Variants in NRG1 observed in about 807,000 individuals in gnomAD.
The protein encoded by NRG1 is neuregulin 1, also known as pro-neuregulin-1, membrane-bound isoform.
A neutral mutation model predicts 63.8 loss-of-function variants in NRG1; 18 were observed. The ratio of observed to expected loss-of-function variants is 0.28; its 90% CI spans 0.19 to 0.42. The LOEUF is 0.42. Ranked by LOEUF, NRG1 falls within the 10% of genes least tolerant of loss-of-function variation. The probability of loss-of-function intolerance (pLI) is 1.00; values close to 1 mark genes in which losing one functional copy is unlikely to be tolerated. For synonymous variants in NRG1, 302 were observed against 301.3 expected, an observed-to-expected ratio of 1.00 and a Z score of -0.02; for missense variants, 762 against 814.7, an observed-to-expected ratio of 0.94 and a Z score of 0.79.
At chr8:32,220,690 T>A (rs1845718851) in intron 1 of NRG1, among the ~76,000 whole-genome samples, 1 of 152,180 alleles carries the variant, frequency 6.6e-6, no homozygotes, top group African/African-American at 2.4e-5. Flanking sequence ...TCACTGTGGC[T>A]CAGAGGCAGG....
At chr8:32,463,142 G>T (rs529636546) in intron 1 of NRG1, among the ~76,000 whole-genome samples, 1 of 151,920 alleles carries the variant, frequency 6.6e-6, no homozygotes, top group South Asian at 2.1e-4. Flanking sequence ...CTCCTTTTTA[G>T]GTTGGATAAT....
chr8:32,261,679 C>CT (rs1850394103), intron 1 of NRG1, among the ~76,000 whole-genome samples: 4 of 152,026 alleles, frequency 2.6e-5, no homozygotes, highest in Non-Finnish European at 5.9e-5. Context: ...ACCTCCACTC[C>CT]CCCCTTGTAT....
At chr8:32,076,024 A>C (rs1826482816) in intron 1 of NRG1, among the ~76,000 whole-genome samples, 1 of 152,186 alleles carries the variant, frequency 6.6e-6, no homozygotes, top group Non-Finnish European at 1.5e-5. Context: ...GATTGGTTGA[A>C]TTTGTGGAAG....
chr8:31,846,998 A>G (rs1023021071), intron 1 of NRG1, among the ~76,000 whole-genome samples: 7 of 152,176 alleles, frequency 4.6e-5, no homozygotes, highest in Non-Finnish European at 1.0e-4. Flanking sequence ...TGAACTCATT[A>G]TATTTTATTC....
chr8:31,823,117 CTTTTT>C (rs147209584), intron 1 of NRG1, among the ~76,000 whole-genome samples: 1 of 77,964 alleles, frequency 1.3e-5, no homozygotes, highest in Non-Finnish European at 2.4e-5. Context: ...TGTCCTTGTT[CTTTTT>C]TTTTTTTTTT....
At chr8:32,236,782 G>A (rs1586288839) in intron 1 of NRG1, among the ~76,000 whole-genome samples, 1 of 152,196 alleles carries the variant, frequency 6.6e-6, no homozygotes, top group East Asian at 1.9e-4. Context: ...GGGAATCACA[G>A]TTAACCTGAA....
At chr8:31,786,987 C>G (rs76760058) in intron 1 of NRG1, among the ~76,000 whole-genome samples, 2,349 of 152,182 alleles carry the variant, frequency 0.015, 65 homozygotes, top group African/African-American at 0.054. Context: ...AAGTTCCAAA[C>G]CTCTAATCAT....
chr8:32,392,388 A>C (rs1811886399), intron 1 of NRG1, among the ~76,000 whole-genome samples: 1 of 152,262 alleles, frequency 6.6e-6, no homozygotes, highest in Admixed American at 6.5e-5. Context: ...ATAGCTCATC[A>C]ACATGAAATG....
intron 1 of NRG1, among the ~76,000 whole-genome samples, chr8:31,934,160 G>A (rs1431411089): frequency 3.3e-5 from 5 of 152,142 alleles, no homozygotes; most frequent in Admixed American, 3.3e-4. Flanking sequence ...TTAGTCTGGG[G>A]CATTAAAATT....
intron 1 of NRG1, among the ~76,000 whole-genome samples, chr8:31,901,134 T>C (rs1395403418): frequency 6.6e-6 from 1 of 152,146 alleles, no homozygotes; most frequent in Non-Finnish European, 1.5e-5. Context: ...AAGATGAACA[T>C]TTATAACTGA....
chr8:31,971,807 A>T (rs1206367654), intron 1 of NRG1, among the ~76,000 whole-genome samples: 1 of 152,118 alleles, frequency 6.6e-6, no homozygotes, highest in African/African-American at 2.4e-5. Context: ...AACTCCCCCA[A>T]GCATTATCCA....
At chr8:32,030,428 A>G (rs1429213356) in intron 1 of NRG1, 1 of 152,232 alleles carries the variant, frequency 6.6e-6, no homozygotes, top group Non-Finnish European at 1.5e-5. Context: ...CACTGATGCT[A>G]AAGTCACCCC....
At chr8:31,813,987 A>G (rs1003258928) in intron 1 of NRG1, among the ~76,000 whole-genome samples, 6 of 152,192 alleles carry the variant, frequency 3.9e-5, no homozygotes, top group African/African-American at 1.4e-4. Flanking sequence ...CCAGTGAAAA[A>G]CCAAAGTTTG....
At chr8:32,129,378 G>T (rs900518220) in intron 1 of NRG1, among the ~76,000 whole-genome samples, 5 of 151,988 alleles carry the variant, frequency 3.3e-5, no homozygotes, top group Admixed American at 2.0e-4. Context: ...TTCTTTGGTG[G>T]CGATCAGTCC....
intron 1 of NRG1, among the ~76,000 whole-genome samples, chr8:32,273,290 A>G (rs757928096): frequency 1.3e-5 from 2 of 152,142 alleles, no homozygotes; most frequent in Non-Finnish European, 1.5e-5. Context: ...TTAGAAAGCT[A>G]TTAGATTCCC....
chr8:32,582,069 C>CTATTCTATTTTATTTTATTT (rs1840742204), intron 1 of NRG1, among the ~76,000 whole-genome samples: 1 of 145,154 alleles, frequency 6.9e-6, no homozygotes, highest in South Asian at 2.2e-4. Context: ...ACCATGAACT[C>CTATTCTATTTTATTTTATTT]TATTTTATTT....
At chr8:31,855,963 A>G (rs1309745867) in intron 1 of NRG1, among the ~76,000 whole-genome samples, 2 of 151,788 alleles carry the variant, frequency 1.3e-5, no homozygotes, top group African/African-American at 4.8e-5. Flanking sequence ...TGGCTTGTAG[A>G]GTTTCTGCCG....
chr8:32,222,098 A>G (rs1845884472), intron 1 of NRG1, among the ~76,000 whole-genome samples: 1 of 151,838 alleles, frequency 6.6e-6, no homozygotes, highest in African/African-American at 2.4e-5. Flanking sequence ...CACAGACAGG[A>G]AGATATGTGT....
chr8:31,955,596 C>T lies in NRG1; in HGVS notation c.37+316165C>T, dbSNP rs1023792857. Among the ~76,000 whole-genome samples, 7 of 152,102 alleles carry T rather than the reference C, an allele frequency of 4.6e-5. No homozygotes were observed. The East Asian group carries it at 7.7e-4, about 17-fold the overall frequency. On this transcript the variant is annotated intron_variant, in intron 1 of 10. Transcript: ENST00000519301. ...CCACATGCTGAAGAATCTAGGCTGT[C>T]GGTGCTTTTTGGAATCTCAGAAAGA...
Sources: gnomAD v4.1 joint callset for allele counts (sites outside exome capture counted in the v4.1 genomes callset) on GRCh38, gnomAD v4.1.1 for gene constraint, MANE v1.5 for transcripts, NCBI Gene and HGNC (gene_info 2026-07-23, HGNC 2026-07-21) for gene names.